Variants in CLASP2 observed in about 807,000 individuals in gnomAD.
CLASP2 encodes the protein cytoplasmic linker associated protein 2, also known as CLIP-associating protein 2.
In CLASP2, 47 loss-of-function variants were observed where a neutral mutation model predicts 194.4. The ratio of observed to expected loss-of-function variants is 0.24; its 90% CI spans 0.19 to 0.31. The LOEUF (loss-of-function observed/expected upper bound fraction) is 0.31, where lower values mean the gene tolerates loss of function less well. Among genes scored for constraint, CLASP2 ranks in the 10% least tolerant of loss-of-function variants. The pLI, the probability that CLASP2 is intolerant of heterozygous loss-of-function variation, is 1.00. For missense variants in CLASP2, 1,445 were observed against 1,823.6 expected, an observed-to-expected ratio of 0.79 and a Z score of 3.78; for synonymous variants, 619 against 633.5, an observed-to-expected ratio of 0.98 and a Z score of 0.34.
At chr3:33,536,205 G>A (rs955363095) in intron 33 of CLASP2, among the ~76,000 whole-genome samples, 2 of 150,646 alleles carry the variant, frequency 1.3e-5, no homozygotes, top group South Asian at 4.2e-4. Flanking sequence ...GAGCAAAAGA[G>A]AGAACGATGC....
At chr3:33,509,358 G>A (rs567117326) in intron 37 of CLASP2, among the ~76,000 whole-genome samples, 30 of 152,204 alleles carry the variant, frequency 2.0e-4, no homozygotes, top group African/African-American at 6.3e-4. Flanking sequence ...CTGGGATTAC[G>A]GCATGTGCCA....
rs543146778 is a variant in CLASP2 at position 33,565,673 on chromosome 3, G to A, written c.2766+1059C>T. 1.1e-3 allele frequency among the ~76,000 whole-genome samples: 162 copies of A among 151,976 alleles called. 1 individual carries two copies. In the South Asian group the frequency reaches 0.032, roughly 30 times the overall value. ...ACTAAAAATACAAATTTAGCTGGGC[G>A]TGGTGGCACATGCCTGTAATCCCAG... is the stretch of plus-strand genomic sequence containing the variant. On this transcript the variant is annotated intron_variant, in intron 27 of 38. Transcript: ENST00000682230.
chr3:33,640,685 A>G (rs939322538), intron 8 of CLASP2, among the ~76,000 whole-genome samples: 9 of 152,130 alleles, frequency 5.9e-5, no homozygotes, highest in African/African-American at 2.2e-4. Flanking sequence ...TAATTATATC[A>G]TCATCTAATT....
intron 2 of CLASP2, among the ~76,000 whole-genome samples, chr3:33,693,870 A>G (rs914217398): frequency 6.6e-5 from 10 of 152,124 alleles, no homozygotes; most frequent in Admixed American, 1.3e-4. Context: ...CTATACATAC[A>G]TAAGAGTGTG....
intron 20 of CLASP2, among the ~76,000 whole-genome samples, chr3:33,593,626 C>T (rs942881431): frequency 2.6e-5 from 4 of 152,090 alleles, no homozygotes; most frequent in Non-Finnish European, 4.4e-5. Context: ...CTTCAAGGCC[C>T]CTAATGAGCC....
chr3:33,688,162 T>C, intron 4 of CLASP2, 115 bp downstream of exon 4: 1 of 674,094 alleles, frequency 1.5e-6, no homozygotes, highest in Non-Finnish European at 2.4e-6. Context: ...TGAAGTTATA[T>C]GCTTTAATAA....
chr3:33,696,137 T>C (rs1360209405), intron 2 of CLASP2, among the ~76,000 whole-genome samples: 1 of 151,966 alleles, frequency 6.6e-6, no homozygotes, highest in African/African-American at 2.4e-5. Context: ...TTGTTGCATC[T>C]AATGATAAAA....
intron 34 of CLASP2, 115 bp downstream of exon 34, chr3:33,535,118 A>G (rs2057089762): frequency 5.8e-6 from 4 of 693,990 alleles, no homozygotes; most frequent in South Asian, 4.0e-5. Context: ...AAACATTCTT[A>G]TTCTAAAAAT....
chr3:33,694,308 A>T (rs1222184012), intron 2 of CLASP2, among the ~76,000 whole-genome samples: 1 of 152,236 alleles, frequency 6.6e-6, no homozygotes, highest in Non-Finnish European at 1.5e-5. Context: ...GAGTCAAACT[A>T]GAATTCTGGT....
intron 12 of CLASP2, among the ~76,000 whole-genome samples, chr3:33,612,466 A>T (rs1156670231): frequency 6.6e-6 from 1 of 152,192 alleles, no homozygotes; most frequent in Non-Finnish European, 1.5e-5. Context: ...TAGTCGAGTG[A>T]ATCTATTTCC....
chr3:33,638,669 T>C (rs1326222146), intron 8 of CLASP2, among the ~76,000 whole-genome samples: 1 of 152,182 alleles, frequency 6.6e-6, no homozygotes, highest in Non-Finnish European at 1.5e-5. Context: ...GATCAGTTGA[T>C]GAAAAAAATT....
chr3:33,546,114 G>A (rs1350128491), intron 30 of CLASP2, among the ~76,000 whole-genome samples: 1 of 152,082 alleles, frequency 6.6e-6, no homozygotes, highest in Non-Finnish European at 1.5e-5. Context: ...TTGAGCAAAT[G>A]AACTAGTAAT....
intron 18 of CLASP2, chr3:33,602,551 G>A (rs1436298264): frequency 1.3e-6 from 1 of 763,296 alleles, no homozygotes; most frequent in East Asian, 2.4e-5. Flanking sequence ...ACAGAGTAGA[G>A]CTTTGCAGTT....
chr3:33,681,675 A>C (rs2089879553), intron 6 of CLASP2, among the ~76,000 whole-genome samples: 1 of 152,256 alleles, frequency 6.6e-6, no homozygotes, highest in African/African-American at 2.4e-5. Flanking sequence ...AAAAGACTTA[A>C]CAAAACATAA....
intron 9 of CLASP2, among the ~76,000 whole-genome samples, chr3:33,630,105 C>T (rs1191704775): frequency 2.0e-5 from 3 of 152,156 alleles, no homozygotes; most frequent in Non-Finnish European, 4.4e-5. Context: ...CAATGTGTGA[C>T]TATGAACTGG....
chr3:33,686,789 C>T (rs1235196521), intron 5 of CLASP2, among the ~76,000 whole-genome samples: 1 of 152,174 alleles, frequency 6.6e-6, no homozygotes, highest in African/African-American at 2.4e-5. Context: ...GGAATCGAAG[C>T]TCTTTGTTAC....
intron 7 of CLASP2, among the ~76,000 whole-genome samples, chr3:33,657,322 G>A (rs1032969227): frequency 6.6e-6 from 1 of 151,986 alleles, no homozygotes; most frequent in Non-Finnish European, 1.5e-5. Context: ...TATCTTTATT[G>A]TTTAAATTTT....
chr3:33,516,876 A>C (rs1006538681), intron 35 of CLASP2, 105 bp downstream of exon 35: 12 of 976,884 alleles, frequency 1.2e-5, no homozygotes, highest in Admixed American at 2.4e-5. Flanking sequence ...GCAGCAGCAG[A>C]AGAGATTCAT....
chr3:33,655,583 T>C (rs1049694796), intron 7 of CLASP2, among the ~76,000 whole-genome samples: 2 of 152,212 alleles, frequency 1.3e-5, no homozygotes, highest in African/African-American at 4.8e-5. Flanking sequence ...CAAGAAAAGT[T>C]AGCCTTCTTG....
Sources: allele counts gnomAD v4.1 joint callset (sites outside exome capture counted in the v4.1 genomes callset), GRCh38; gene constraint gnomAD v4.1.1; transcripts MANE v1.5; gene names NCBI Gene and HGNC (gene_info 2026-07-23, HGNC 2026-07-21).